POLDIP2: variants seen among roughly 807,000 people sequenced by gnomAD.
The protein encoded by POLDIP2 is DNA polymerase delta interacting protein 2.
Under a neutral mutation model 52.9 loss-of-function variants are expected in POLDIP2, and 32 were observed. The observed-to-expected ratio is 0.61, with a 90% CI of 0.46 to 0.81. The LOEUF (loss-of-function observed/expected upper bound fraction) is 0.81, where lower values mean the gene tolerates loss of function less well. POLDIP2 is among the 40% of genes least tolerant of loss of function. The probability of loss-of-function intolerance (pLI) is 0.00; values close to 1 mark genes in which losing one functional copy is unlikely to be tolerated. For synonymous variants in POLDIP2, 183 were observed against 183.0 expected, an observed-to-expected ratio of 1.00 and a Z score of 0.00; for missense variants, 371 against 477.3, an observed-to-expected ratio of 0.78 and a Z score of 2.07.
At chr17:28,351,061 T>TA (rs1264308984) in intron 7 of POLDIP2, among the ~76,000 whole-genome samples, 4 of 152,126 alleles carry the variant, frequency 2.6e-5, no homozygotes, top group East Asian at 1.9e-4. Context: ...ACAGGGCTCT[T>TA]ACCTTTTTCA....
At chr17:28,349,807 C>T (rs1170979797) in intron 9 of POLDIP2, among the ~76,000 whole-genome samples, 3 of 152,130 alleles carry the variant, frequency 2.0e-5, no homozygotes, top group African/African-American at 7.2e-5. Context: ...AATAACTTGC[C>T]GAAAGTTATG....
chr17:28,353,520 CAAAAAA>C (rs71135829), intron 4 of POLDIP2, among the ~76,000 whole-genome samples, 169 bp downstream of exon 4: 4 of 54,814 alleles, frequency 7.3e-5, no homozygotes, highest in Non-Finnish European at 1.2e-4. Flanking sequence ...GACTCCATAT[CAAAAAA>C]AAAAAAAAAG....
At chr17:28,349,600 C>G (rs1907720864) in intron 9 of POLDIP2, among the ~76,000 whole-genome samples, 1 of 152,142 alleles carries the variant, frequency 6.6e-6, no homozygotes, top group South Asian at 2.1e-4. Context: ...TGCACTCCAG[C>G]CTGGGTGACA....
At position 28,349,123 on chromosome 17, in the gene POLDIP2, T is replaced by C. The variant is rs1555579450; in HGVS notation, c.952A>G (p.Ser318Gly). 1.2e-6 allele frequency: 2 copies of C among 1,613,600 alleles called. No homozygotes were observed. ...GAAGCCTGCAGCGAGACGTGGCTGC[T>C]ATACTGGAACGCAGGCTGCTCCTTG... is the stretch of plus-strand genomic sequence containing the variant. The part of the protein sequence containing the change: ...LSKEQPAFQY[S>G]SHVSLQASSG... The change falls in exon 10 of 11, where the codon AGC (serine) becomes GGC (glycine). Residue 318 changes from serine to glycine, a missense_variant. Coordinates refer to ENST00000540200, the MANE Select transcript of POLDIP2 (RefSeq NM_015584.5).
intron 9 of POLDIP2, 73 bp downstream of exon 9, chr17:28,350,365 G>C: frequency 7.3e-7 from 1 of 1,361,700 alleles, no homozygotes; most frequent in Middle Eastern, 2.4e-4. Context: ...TAACAACAAA[G>C]GAGAAGGAAG....
In POLDIP2 at chr17:28,350,753, C is replaced by T. The variant is rs1555579827; in HGVS notation, c.786+13G>A. On this transcript the variant is annotated intron_variant, in intron 8 of 10. Coordinates refer to ENST00000540200, the MANE Select transcript of POLDIP2 (RefSeq NM_015584.5). Reference sequence around the variant, plus strand: ...CCCCACAAGCTCCCCTTCTCCCAGACAGTGACACTCACCCAGTACACGTGG... The same window carrying T: ...CCCCACAAGCTCCCCTTCTCCCAGATAGTGACACTCACCCAGTACACGTGG... 1 of 1,596,910 alleles carries T rather than the reference C, an allele frequency of 6.3e-7. No homozygotes were observed. The highest frequency in any genetic ancestry group is 1.7e-5 in the Admixed American group (1 of 57,866).
In POLDIP2 at chr17:28,355,925, G is replaced by A. The variant is rs1329210058; in HGVS notation, c.162-49C>T. On this transcript the variant is annotated intron_variant, in intron 1 of 10. Transcript: ENST00000540200. The stretch of plus-strand genomic sequence containing the variant: ...GCAACAGAAAAGCTGAGAAGGTAAT[G>A]GTAGTTATCCATAAGAAAAAGCTCC... The A allele has an allele frequency of 3.5e-6, 5 of 1,434,694 alleles. No individual in the cohort carries two copies. In the Admixed American group the frequency reaches 5.5e-5, roughly 16 times the overall value. The allele number at this position is 1,434,694 out of a possible 1,614,324, so 88.9% of individuals were successfully genotyped here. A position where few individuals can be genotyped will look rare whatever the true frequency, so the allele number is the denominator to read the frequency against.
chr17:28,355,497 C>T (rs1597802431), intron 2 of POLDIP2, among the ~76,000 whole-genome samples: 1 of 152,126 alleles, frequency 6.6e-6, no homozygotes, highest in South Asian at 2.1e-4. Flanking sequence ...ATCCCAGCTA[C>T]TAGGGAGGCT....
chr17:28,354,593 G>A lies in POLDIP2; in HGVS notation c.244-8C>T, dbSNP rs1307432839. 3 of 1,543,076 alleles carry A rather than the reference G, an allele frequency of 1.9e-6. No homozygotes were observed. Among genetic ancestry groups the A allele is most frequent in the Non-Finnish European group, 1.8e-6 (2 of 1,138,652 alleles). Reference sequence around the variant, plus strand: ...AATGCTATGAAGGAAAAGCTGGAAGGAAAGAGGGGCCTCAGTGAGTCTGCA... The same window carrying A: ...AATGCTATGAAGGAAAAGCTGGAAGAAAAGAGGGGCCTCAGTGAGTCTGCA... On this transcript the variant is annotated splice_region_variant and splice_polypyrimidine_tract_variant and intron_variant, in intron 2 of 10. Coordinates refer to ENST00000540200, the MANE Select transcript of POLDIP2 (RefSeq NM_015584.5).
chr17:28,346,789 T>A lies in POLDIP2; in HGVS notation c.*1328A>T. 6.6e-6 allele frequency: 1 copy of A among 152,166 alleles called. No homozygotes were observed. Among genetic ancestry groups the A allele is most frequent in the Non-Finnish European group, 1.5e-5 (1 of 68,042 alleles). 9.4% of individuals were successfully genotyped at this position (152,166 alleles called of 1,614,324 possible). The stretch of plus-strand genomic sequence containing the variant: ...AAACAAAGTATGGATGAAGGTCAGA[T>A]TTTCTTGTCAGTTTCTGAGAAACCT... On this transcript the variant is annotated 3_prime_UTR_variant, in exon 11 of 11. Coordinates refer to ENST00000540200, the MANE Select transcript of POLDIP2 (RefSeq NM_015584.5).
In POLDIP2 at chr17:28,355,752, G is replaced by A. The variant is rs1555580785; in HGVS notation, c.243+43C>T. 4 of 1,464,858 alleles carry A rather than the reference G, an allele frequency of 2.7e-6. No individual in the cohort carries two copies. In the East Asian group the frequency reaches 9.3e-5, roughly 34 times the overall value. The allele number at this position is 1,464,858 out of a possible 1,614,324, so 90.7% of individuals were successfully genotyped here. Reference sequence around the variant, plus strand: ...CCTAATCTGACTTTTTTCAGAAGCAGAGCACTCTATGAAAATGAAAGATGA... The same window carrying A: ...CCTAATCTGACTTTTTTCAGAAGCAAAGCACTCTATGAAAATGAAAGATGA... On this transcript the variant is annotated intron_variant, in intron 2 of 10. Transcript: ENST00000540200.
chr17:28,354,596 A>G lies in POLDIP2; in HGVS notation c.244-11T>C. On this transcript the variant is annotated splice_polypyrimidine_tract_variant and intron_variant, in intron 2 of 10. Coordinates refer to ENST00000540200, the MANE Select transcript of POLDIP2 (RefSeq NM_015584.5). ...GCTATGAAGGAAAAGCTGGAAGGAA[A>G]GAGGGGCCTCAGTGAGTCTGCAGTC... The G allele has an allele frequency of 3.9e-6, 6 of 1,540,152 alleles. No individual in the cohort carries two copies. The highest frequency in any genetic ancestry group is 5.3e-6 in the Non-Finnish European group (6 of 1,136,028).
In POLDIP2 at chr17:28,357,298, G is replaced by A; in HGVS notation, c.151C>T (p.Leu51Phe). 1 of 1,577,984 alleles carries A rather than the reference G, an allele frequency of 6.3e-7. No individual in the cohort carries two copies. Among genetic ancestry groups the A allele is most frequent in the Non-Finnish European group, 8.5e-7 (1 of 1,171,836 alleles). Reference protein sequence around the residue: ...PASTTTTRRHLSSRNRPEGKV... With the variant: ...PASTTTTRRHFSSRNRPEGKV... ...GGCTCCGTCCCTCACCGGGACGAGA[G>A]GTGCCTCCGCGTCGTCGTGGTCGAC... The change falls in exon 1 of 11, where the codon CTC (leucine) becomes TTC (phenylalanine). Residue 51 changes from leucine (L) to phenylalanine (F), a missense_variant. Leu to Phe is a conservative substitution (Grantham distance 22). Coordinates refer to ENST00000540200, the MANE Select transcript of POLDIP2 (RefSeq NM_015584.5).
intron 2 of POLDIP2, 86 bp from the exon 3 acceptor site, chr17:28,354,671 G>GTTGCCTCCACCT: frequency 1.2e-6 from 1 of 812,080 alleles, no homozygotes; most frequent in Non-Finnish European, 2.1e-6. Flanking sequence ...CACAGGTGGA[G>GTTGCCTCCACCT]GCAACTCCAG....
intron 6 of POLDIP2, 142 bp from the exon 7 acceptor site, chr17:28,351,942 A>G (rs893154646): frequency 1.4e-5 from 10 of 699,152 alleles, no homozygotes; most frequent in Non-Finnish European, 2.3e-5. Flanking sequence ...GTGCTCATAC[A>G]TGAAGCAAAA....
chr17:28,350,883 G>A, intron 7 of POLDIP2, 91 bp from the exon 8 acceptor site: 1 of 1,118,414 alleles, frequency 8.9e-7, no homozygotes, highest in Non-Finnish European at 1.3e-6. Flanking sequence ...ATGTATTCCA[G>A]GAAGGTTGCA....
At chr17:28,349,598 A>G (rs531871050) in intron 9 of POLDIP2, among the ~76,000 whole-genome samples, 2 of 152,218 alleles carry the variant, frequency 1.3e-5, no homozygotes, top group South Asian at 4.1e-4. Context: ...ACTGCACTCC[A>G]GCCTGGGTGA....
At chr17:28,356,548 AC>A (rs1379670867) in intron 1 of POLDIP2, among the ~76,000 whole-genome samples, 1 of 151,970 alleles carries the variant, frequency 6.6e-6, no homozygotes, top group Non-Finnish European at 1.5e-5. Flanking sequence ...CTCTCTCAAT[AC>A]CGTTTTTGTT....
Position 28,354,522 on chromosome 17 carries a change from A to G in POLDIP2, c.307T>C (p.Tyr103His). The G allele has an allele frequency of 6.4e-7, 1 of 1,561,070 alleles. No homozygotes were observed. Among genetic ancestry groups the G allele is most frequent in the East Asian group, 2.4e-5 (1 of 41,630 alleles). The change falls in exon 3 of 11, where the codon TAT (tyrosine) becomes CAT (histidine). Residue 103 changes from tyrosine (Y) to histidine (H), a missense_variant. Coordinates refer to ENST00000540200, the MANE Select transcript of POLDIP2 (RefSeq NM_015584.5). ...GCTGCAGAAGCCACATCCCGGTCAT[A>G]CAGTCTGGCCTGCCAGGGAAACAGG... ...VVLFPWQARLYDRDVASAAPE... is the reference protein window; with the variant it reads ...VVLFPWQARLHDRDVASAAPE...
Sources: gnomAD v4.1 joint callset for allele counts (sites outside exome capture counted in the v4.1 genomes callset) on GRCh38, gnomAD v4.1.1 for gene constraint, MANE v1.5 for transcripts, NCBI Gene and HGNC (gene_info 2026-07-23, HGNC 2026-07-21) for gene names.